CSGALNACT1: variants seen among roughly 807,000 people sequenced by gnomAD.
CSGALNACT1 encodes the protein chondroitin sulfate N-acetylgalactosaminyltransferase 1.
A neutral mutation model predicts 51.0 loss-of-function variants in CSGALNACT1; 52 were observed. The ratio of observed to expected loss-of-function variants is 1.02; its 90% confidence interval spans 0.82 to 1.29. The LOEUF (loss-of-function observed/expected upper bound fraction) is 1.29, where lower values mean the gene tolerates loss of function less well. CSGALNACT1 is among the 50% of genes most tolerant of loss of function. CSGALNACT1 has a pLI of 0.00. For synonymous variants in CSGALNACT1, 341 were observed against 254.4 expected, an observed-to-expected ratio of 1.34 and a Z score of -3.24; for missense variants, 935 against 679.2, an observed-to-expected ratio of 1.38 and a Z score of -4.19.
At chr8:19,722,844 C>A (rs1295759804) in intron 1 of CSGALNACT1, among the ~76,000 whole-genome samples, 1 of 152,190 alleles carries the variant, frequency 6.6e-6, no homozygotes, top group Admixed American at 6.5e-5. Context: ...GTAGCAAGAT[C>A]TGCAACAGGT....
At chr8:19,524,533 T>A (rs1239894808) in intron 3 of CSGALNACT1, among the ~76,000 whole-genome samples, 1 of 152,164 alleles carries the variant, frequency 6.6e-6, no homozygotes, top group South Asian at 2.1e-4. Context: ...CTTGTCATAG[T>A]CCTAATTTTT....
intron 3 of CSGALNACT1, among the ~76,000 whole-genome samples, chr8:19,524,083 C>G (rs2081223381): frequency 6.6e-6 from 1 of 152,144 alleles, no homozygotes; most frequent in Non-Finnish European, 1.5e-5. Context: ...CACTTAAGGC[C>G]AGGAGTTTGA....
intron 3 of CSGALNACT1, among the ~76,000 whole-genome samples, chr8:19,579,755 T>C (rs2045146707): frequency 6.6e-6 from 1 of 152,234 alleles, no homozygotes; most frequent in East Asian, 1.9e-4. Context: ...GGTATTTGCC[T>C]ACCCTCTTTT....
At chr8:19,589,545 G>A (rs2047364894) in intron 3 of CSGALNACT1, among the ~76,000 whole-genome samples, 1 of 152,096 alleles carries the variant, frequency 6.6e-6, no homozygotes, top group Non-Finnish European at 1.5e-5. Context: ...TGGCCAAGCT[G>A]GTCTTGAACT....
intron 3 of CSGALNACT1, among the ~76,000 whole-genome samples, chr8:19,536,264 A>G (rs1253702470): frequency 6.6e-6 from 1 of 152,160 alleles, no homozygotes; most frequent in East Asian, 1.9e-4. Context: ...GAGGCTACAC[A>G]TGCGTAAAGG....
intron 2 of CSGALNACT1, among the ~76,000 whole-genome samples, chr8:19,594,109 G>A (rs1222047116): frequency 6.6e-6 from 1 of 152,126 alleles, no homozygotes; most frequent in Admixed American, 6.5e-5. Context: ...CAGCAGTTTG[G>A]ATAAAAGTTC....
intron 1 of CSGALNACT1, among the ~76,000 whole-genome samples, chr8:19,617,297 C>A (rs1275478519): frequency 6.6e-6 from 1 of 152,142 alleles, no homozygotes; most frequent in African/African-American, 2.4e-5. Context: ...CTGCCGTTCA[C>A]CTTCTATGGG....
chr8:19,478,736 C>G (rs1195488875), intron 4 of CSGALNACT1, among the ~76,000 whole-genome samples: 1 of 152,186 alleles, frequency 6.6e-6, no homozygotes, highest in Non-Finnish European at 1.5e-5. Flanking sequence ...AATTGCTCCA[C>G]TGCTATAAAT....
chr8:19,619,258 T>C (rs148356650), intron 1 of CSGALNACT1, among the ~76,000 whole-genome samples: 2,850 of 92,336 alleles, frequency 0.031, 114 homozygotes, highest in African/African-American at 0.099. Context: ...CGGGGGGGGG[T>C]GGGCCTTGAA....
chr8:19,653,909 G>T (rs1463465464), intron 1 of CSGALNACT1, among the ~76,000 whole-genome samples: 1 of 152,056 alleles, frequency 6.6e-6, no homozygotes, highest in Admixed American at 6.6e-5. Context: ...AGTATAGGAG[G>T]ATGACTATAG....
intron 3 of CSGALNACT1, among the ~76,000 whole-genome samples, chr8:19,585,785 C>T (rs2046496482): frequency 6.6e-6 from 1 of 152,188 alleles, no homozygotes; most frequent in Non-Finnish European, 1.5e-5. Context: ...CTCCATGTTA[C>T]CAAATTATCA....
At chr8:19,697,910 G>C (rs1366114429) in intron 1 of CSGALNACT1, among the ~76,000 whole-genome samples, 1 of 152,190 alleles carries the variant, frequency 6.6e-6, no homozygotes, top group Non-Finnish European at 1.5e-5. Flanking sequence ...CTATTGAAAG[G>C]GGAAAGAGAT....
chr8:19,542,650 C>G (rs1324439966), intron 3 of CSGALNACT1, among the ~76,000 whole-genome samples: 3 of 152,058 alleles, frequency 2.0e-5, no homozygotes, highest in Non-Finnish European at 4.4e-5. Flanking sequence ...ACATTTGACT[C>G]CTAGTAGGAA....
At chr8:19,652,750 C>T (rs540605704) in intron 1 of CSGALNACT1, among the ~76,000 whole-genome samples, 1 of 152,300 alleles carries the variant, frequency 6.6e-6, no homozygotes, top group East Asian at 1.9e-4. Flanking sequence ...TTGACCCCAC[C>T]ACTCTTCAGT....
At chr8:19,617,428 T>A (rs767700589) in intron 1 of CSGALNACT1, among the ~76,000 whole-genome samples, 2 of 152,310 alleles carry the variant, frequency 1.3e-5, no homozygotes, top group Non-Finnish European at 2.9e-5. Flanking sequence ...TTTACAGCAA[T>A]GCAAGAACAC....
At position 19,643,041 on chromosome 8, in the gene CSGALNACT1, G is replaced by A. The variant is rs1468335926; in HGVS notation, c.-544+39432C>T. On this transcript the variant is annotated intron_variant, in intron 1 of 9. Coordinates refer to the CSGALNACT1 transcript ENST00000332246. ...GGATGGGAGATTTTCTAAAATGATG[G>A]CAGGAATCACACACATAAAATATAC... Among the ~76,000 whole-genome samples, 4 of 151,970 alleles carry A rather than the reference G, an allele frequency of 2.6e-5. No individual in the cohort carries two copies. The East Asian group carries it at 7.7e-4, about 29-fold the overall frequency.
intron 3 of CSGALNACT1, among the ~76,000 whole-genome samples, chr8:19,588,599 G>C (rs1229727786): frequency 6.6e-6 from 1 of 152,192 alleles, no homozygotes; most frequent in Non-Finnish European, 1.5e-5. Context: ...TATTTCAGGA[G>C]CTGGAAATAC....
intron 1 of CSGALNACT1, chr8:19,688,640 A>T (rs2061115249): frequency 6.6e-6 from 1 of 152,148 alleles, no homozygotes; most frequent in South Asian, 2.1e-4. Context: ...TCTTTATTTT[A>T]AAAAAAGAAA....
chr8:19,538,533 G>A (rs1373941779), intron 3 of CSGALNACT1, among the ~76,000 whole-genome samples: 3 of 152,094 alleles, frequency 2.0e-5, no homozygotes, highest in Non-Finnish European at 4.4e-5. Flanking sequence ...ACCTCATGTC[G>A]AACGCAGGAT....
Sources: allele counts gnomAD v4.1 joint callset (sites outside exome capture counted in the v4.1 genomes callset), GRCh38; gene constraint gnomAD v4.1.1; transcripts MANE v1.5; gene names NCBI Gene and HGNC (gene_info 2026-07-23, HGNC 2026-07-21).